Variants in SPDYE4 observed in about 807,000 individuals in gnomAD.
The protein encoded by SPDYE4 is speedy/RINGO cell cycle regulator family member E4, also known as speedy protein E4.
In SPDYE4, 30 loss-of-function variants were observed where a neutral mutation model predicts 37.5. The ratio of observed to expected loss-of-function variants is 0.80; its 90% confidence interval spans 0.60 to 1.09. The LOEUF is 1.09. Among genes scored for constraint, SPDYE4 ranks in the 50% least tolerant of loss-of-function variants. SPDYE4 has a pLI of 0.00. For synonymous variants in SPDYE4, 131 were observed against 120.3 expected (o/e 1.09, Z -0.58); for missense variants, 300 against 307.9 (o/e 0.97, Z 0.19).
chr17:8,755,267 C>T (rs942102555), intron 4 of SPDYE4: 5 of 367,756 alleles, frequency 1.4e-5, no homozygotes, highest in African/African-American at 8.3e-5. Context: ...GGAGCAGGGT[C>T]GTGTCCACGG....
intron 5 of SPDYE4, 28 bp from the exon 6 acceptor site, chr17:8,753,225 C>T: frequency 3.1e-6 from 5 of 1,613,958 alleles, no homozygotes; most frequent in Non-Finnish European, 4.2e-6. Context: ...ACTTGAGAAG[C>T]CAGGGATTCC....
chr17:8,753,281 A>ACCCCCCCC, intron 5 of SPDYE4, 40 bp downstream of exon 5: 5 of 388,114 alleles, frequency 1.3e-5, no homozygotes, highest in East Asian at 6.6e-5. Flanking sequence ...AGTCCACCCC[A>ACCCCCCCC]TCCCTCCCCA....
rs892144177 is a variant in SPDYE4 at position 8,758,517 on chromosome 17, G to A, written c.-135C>T. The A allele has an allele frequency of 4.9e-6, 4 of 809,148 alleles. No homozygotes were observed. Among genetic ancestry groups the A allele is most frequent in the Non-Finnish European group, 5.9e-6 (3 of 505,724 alleles). The allele number at this position is 809,148 out of a possible 1,614,324, so 50.1% of individuals were successfully genotyped here. A position where few individuals can be genotyped will look rare whatever the true frequency, so the allele number is the denominator to read the frequency against. On this transcript the variant is annotated 5_prime_UTR_variant, in exon 1 of 7. Coordinates refer to ENST00000689094, the MANE Select transcript of SPDYE4 (RefSeq NM_001394956.1). ...GCTCGGGAGAAGTTAGGAGTGAAGA[G>A]TAGTTCTGAGAAGTTGCTGTTGTCC...
chr17:8,753,006 G>C (rs1206388021), intron 6 of SPDYE4, 88 bp downstream of exon 6: 77 of 1,173,180 alleles, frequency 6.6e-5, no homozygotes, highest in Non-Finnish European at 8.9e-5. Flanking sequence ...ATGTTGACCA[G>C]GCTTGAAGCT....
intron 6 of SPDYE4, 51 bp downstream of exon 6, chr17:8,753,043 T>A: frequency 1.4e-6 from 2 of 1,446,672 alleles, no homozygotes; most frequent in South Asian, 2.4e-5. Context: ...TTCCTTGGAT[T>A]TTCTTATAGA....
chr17:8,753,169 A>G lies in SPDYE4; in HGVS notation c.683T>C (p.Val228Ala), dbSNP rs1482566995. The G allele has an allele frequency of 6.2e-7, 1 of 1,613,842 alleles. No homozygotes were observed. The highest frequency in any genetic ancestry group is 1.3e-5 in the African/African-American group (1 of 74,898). Residue 228 changes from valine (V) to alanine (A), a missense_variant, in exon 6 of 7, where the codon GTG becomes GCG. Transcript: ENST00000689094. Reference protein sequence around the residue: ...EIQAYDPEHWVWARDRTLIS With the variant: ...EIQAYDPEHWAWARDRTLIS Reference sequence around the variant, plus strand: ...AATGAGGGTGCGATCTCGGGCCCACACCCAGTGCTCTGGGTCATAAGCCTG... The same window carrying G: ...AATGAGGGTGCGATCTCGGGCCCACGCCCAGTGCTCTGGGTCATAAGCCTG...
In SPDYE4 at chr17:8,758,388, C is replaced by T. The variant is rs145552977; in HGVS notation, c.-6G>A. ...CGCGCTTGACCACTGGCCATAATCT[C>T]TCCCAAACACTTTGTTTCTGTCCAC... On this transcript the variant is annotated 5_prime_UTR_variant, in exon 1 of 7. Transcript: ENST00000689094. The T allele has an allele frequency of 2.1e-5, 33 of 1,551,044 alleles. No individual in the cohort carries two copies. In the African/African-American group the frequency reaches 3.7e-4, roughly 17 times the overall value.
chr17:8,753,077 G>A lies in SPDYE4; in HGVS notation c.*44+17C>T, dbSNP rs1201063063. The A allele has an allele frequency of 1.1e-5, 18 of 1,578,582 alleles. No individual in the cohort carries two copies. In the African/African-American group the frequency reaches 2.3e-4, roughly 20 times the overall value. ...GATGAGAATATTCTGCCTTTACCCT[G>A]GAGGATACACACGTACCTTCCCTCA... On this transcript the variant is annotated intron_variant, in intron 6 of 6. Coordinates refer to ENST00000689094, the MANE Select transcript of SPDYE4 (RefSeq NM_001394956.1).
Position 8,751,785 on chromosome 17 carries a change from T to C in SPDYE4, c.*497A>G, listed in dbSNP as rs2086730144. Among the ~76,000 whole-genome samples, 1 of 152,256 alleles carries C rather than the reference T, an allele frequency of 6.6e-6. No individual in the cohort carries two copies. The highest frequency in any genetic ancestry group is 2.1e-4 in the South Asian group (1 of 4,822). ...AATTCTATGGCCAACATTTGAAAAA[T>C]AAACCAACAAAATGTACAGTATCTA... On this transcript the variant is annotated 3_prime_UTR_variant, in exon 7 of 7. Coordinates refer to ENST00000689094, the MANE Select transcript of SPDYE4 (RefSeq NM_001394956.1).
At position 8,758,294 on chromosome 17, in the gene SPDYE4, T is replaced by C; in HGVS notation, c.89A>G (p.Asp30Gly). The change falls in exon 1 of 7, where the codon GAT becomes GGT. Residue 30 changes from aspartate (D) to glycine (G), a missense_variant. Asp to Gly is a moderately conservative substitution (Grantham distance 94). Transcript: ENST00000689094. ...CTCACCTGATGGTCCTGGCACTTCA[T>C]CATCCACCACCACCTCGGGGGACCG... The part of the protein sequence containing the change: ...TVRSPEVVVD[D>G]EVPGPSAPWI... 1 of 1,547,812 alleles carries C rather than the reference T, an allele frequency of 6.5e-7. No homozygotes were observed. Among genetic ancestry groups the C allele is most frequent in the Non-Finnish European group, 8.7e-7 (1 of 1,145,210 alleles).
At position 8,753,089 on chromosome 17, in the gene SPDYE4, C is replaced by T. The variant is rs770328677; in HGVS notation, c.*44+5G>A. 5.0e-6 allele frequency: 8 copies of T among 1,595,358 alleles called. No individual in the cohort carries two copies. Among genetic ancestry groups the T allele is most frequent in the African/African-American group, 4.0e-5 (3 of 74,518 alleles). ...CTGCCTTTACCCTGGAGGATACACACGTACCTTCCCTCAGGCCGATGACCT... is the reference window on the plus strand; with the variant it reads ...CTGCCTTTACCCTGGAGGATACACATGTACCTTCCCTCAGGCCGATGACCT... On this transcript the variant is annotated splice_donor_5th_base_variant and intron_variant, in intron 6 of 6. Transcript: ENST00000689094.
chr17:8,755,524 C>T lies in SPDYE4; in HGVS notation c.481G>A (p.Ala161Thr). The change falls in exon 4 of 7, where the codon GCT becomes ACT. Residue 161 changes from alanine to threonine, a missense_variant. By Grantham distance (58) the Ala-to-Thr change is moderately conservative. Transcript: ENST00000689094. ...WQYQRIHFFL[A>T]LYLASDMEED... ...GGGAAGAAGCAAACTACTCACAGAG[C>T]CAGGAAGAAATGAATGCGTTGGTAT... 1 of 1,611,344 alleles carries T rather than the reference C, an allele frequency of 6.2e-7. No homozygotes were observed. Among genetic ancestry groups the T allele is most frequent in the Non-Finnish European group, 8.5e-7 (1 of 1,179,380 alleles).
intron 4 of SPDYE4, among the ~76,000 whole-genome samples, chr17:8,754,924 G>A (rs1446105480): frequency 6.6e-6 from 1 of 152,230 alleles, no homozygotes; most frequent in East Asian, 1.9e-4. Context: ...TTTGGTGGTA[G>A]AAGGACTGCA....
rs773306887 is a variant in SPDYE4 at position 8,752,069 on chromosome 17, C to T, written c.*213G>A. Reference sequence around the variant, plus strand: ...CTCCACTGACTCCTAGAAATACCTCCATGGCTCCTAGGAGGAAAACCTGGT... The same window carrying T: ...CTCCACTGACTCCTAGAAATACCTCTATGGCTCCTAGGAGGAAAACCTGGT... On this transcript the variant is annotated 3_prime_UTR_variant, in exon 7 of 7. Transcript: ENST00000689094. 6.6e-6 allele frequency among the ~76,000 whole-genome samples: 1 copy of T among 152,134 alleles called. No individual in the cohort carries two copies. The highest frequency in any genetic ancestry group is 1.5e-5 in the Non-Finnish European group (1 of 67,992).
chr17:8,758,209 T>G, intron 1 of SPDYE4, 65 bp downstream of exon 1: 1 of 1,327,674 alleles, frequency 7.5e-7, no homozygotes, highest in Non-Finnish European at 1.0e-6. Context: ...AGATTCCCAG[T>G]AACTGGCCCC....
chr17:8,749,207 C>T (rs150748680), downstream of SPDYE4, among the ~76,000 whole-genome samples: 424 of 152,038 alleles, frequency 2.8e-3, no homozygotes, highest in African/African-American at 9.6e-3. Flanking sequence ...ATCCTCCCAC[C>T]TCAGCCTCCT....
intron 4 of SPDYE4, 146 bp downstream of exon 4, chr17:8,755,374 G>A: frequency 9.8e-7 from 1 of 1,025,622 alleles, no homozygotes; most frequent in Non-Finnish European, 1.4e-6. Flanking sequence ...AACAGACTAA[G>A]AACACCATAG....
chr17:8,755,839 G>A (rs1395376965), intron 3 of SPDYE4, among the ~76,000 whole-genome samples: 1 of 152,158 alleles, frequency 6.6e-6, no homozygotes, highest in Non-Finnish European at 1.5e-5. Context: ...ATGAGCTCCA[G>A]TGGGATCACT....
In SPDYE4 at chr17:8,752,221, C is replaced by T. The variant is rs1453136540; in HGVS notation, c.*61G>A. 2.0e-5 allele frequency among the ~76,000 whole-genome samples: 3 copies of T among 152,164 alleles called. No individual in the cohort carries two copies. Among genetic ancestry groups the T allele is most frequent in the Non-Finnish European group, 4.4e-5 (3 of 68,028 alleles). On this transcript the variant is annotated 3_prime_UTR_variant, in exon 7 of 7. Transcript: ENST00000689094. Reference sequence around the variant, plus strand: ...AACTTCCTGCTGAAAATTCCCATCTCCCCTGGGCCCAGTGTTCTGGAAGTG... The same window carrying T: ...AACTTCCTGCTGAAAATTCCCATCTTCCCTGGGCCCAGTGTTCTGGAAGTG...
Sources: allele counts gnomAD v4.1 joint callset (sites outside exome capture counted in the v4.1 genomes callset), GRCh38; gene constraint gnomAD v4.1.1; transcripts MANE v1.5; gene names NCBI Gene and HGNC (gene_info 2026-07-23, HGNC 2026-07-21).